TMEM41B: variants seen among roughly 807,000 people sequenced by gnomAD.
TMEM41B encodes the protein protein stasimon.
In TMEM41B, 18 loss-of-function variants were observed where a neutral mutation model predicts 31.9. The ratio of observed to expected loss-of-function variants is 0.56; its 90% CI spans 0.39 to 0.84. TMEM41B has a LOEUF of 0.84. TMEM41B is among the 40% of genes least tolerant of loss of function. The probability of loss-of-function intolerance (pLI) is 0.00; values close to 1 mark genes in which losing one functional copy is unlikely to be tolerated. For synonymous variants in TMEM41B, 144 were observed against 124.3 expected (o/e 1.16, Z -1.05); for missense variants, 322 against 348.0 (o/e 0.93, Z 0.59).
rs557415685 is a variant in TMEM41B, at chr11:9,284,310, C to G, written c.707-717G>C. On this transcript the variant is annotated intron_variant, in intron 6 of 6. Coordinates refer to ENST00000528080, the MANE Select transcript of TMEM41B (RefSeq NM_015012.4). Reference sequence around the variant, plus strand: ...ACAGGCGTGTACCACCACACCCAGGCAAAATTTTTGAATTTTTTGTCAAGA... The same window carrying G: ...ACAGGCGTGTACCACCACACCCAGGGAAAATTTTTGAATTTTTTGTCAAGA... Among the ~76,000 whole-genome samples, 3 of 151,926 alleles carry G rather than the reference C, an allele frequency of 2.0e-5. No homozygotes were observed. In the Middle Eastern group the frequency reaches 0.01, roughly 517 times the overall value.
chr11:9,309,489 G>T (rs1437374586), intron 1 of TMEM41B, among the ~76,000 whole-genome samples: 1 of 122,470 alleles, frequency 8.2e-6, no homozygotes, highest in Admixed American at 9.8e-5. Flanking sequence ...GCCAAGTCTA[G>T]TCTTAGATTT....
chr11:9,301,186 G>C (rs759369919), intron 1 of TMEM41B, among the ~76,000 whole-genome samples: 2 of 151,974 alleles, frequency 1.3e-5, no homozygotes, highest in African/African-American at 4.8e-5. Context: ...ACAAGGTCAG[G>C]AGATTGAGAC....
intron 1 of TMEM41B, among the ~76,000 whole-genome samples, chr11:9,306,018 A>C (rs1404455261): frequency 3.8e-5 from 5 of 130,094 alleles, no homozygotes; most frequent in African/African-American, 1.2e-4. Flanking sequence ...CTGCTCTATC[A>C]CCCAGGCTGG....
rs547400103 is a variant in TMEM41B at position 9,314,160 on chromosome 11, G to A, written c.121+161C>T. ...CTCGGCGTCCGGCCTTGTGCTGCGCGAGCGCCCAAGCCCAACTCCCCCACG... is the reference window on the plus strand; with the variant it reads ...CTCGGCGTCCGGCCTTGTGCTGCGCAAGCGCCCAAGCCCAACTCCCCCACG... On this transcript the variant is annotated intron_variant, in intron 1 of 6. Coordinates refer to ENST00000528080, the MANE Select transcript of TMEM41B (RefSeq NM_015012.4). Among the ~76,000 whole-genome samples, 7 of 152,274 alleles carry A rather than the reference G, an allele frequency of 4.6e-5. No homozygotes were observed. In the South Asian group the frequency reaches 1.2e-3, roughly 27 times the overall value.
intron 3 of TMEM41B, among the ~76,000 whole-genome samples, chr11:9,293,140 T>C (rs1590376498): frequency 6.6e-6 from 1 of 152,212 alleles, no homozygotes; most frequent in Non-Finnish European, 1.5e-5. Context: ...ACAGTCTCAC[T>C]GTCACCTAGG....
chr11:9,313,623 T>G (rs113793455), intron 1 of TMEM41B, among the ~76,000 whole-genome samples: 1,910 of 152,314 alleles, frequency 0.013, 43 homozygotes, highest in African/African-American at 0.039. Context: ...GATGATGTAG[T>G]GGGGAAATAA....
At chr11:9,291,701 T>C (rs1206341090) in intron 3 of TMEM41B, among the ~76,000 whole-genome samples, 29 of 148,076 alleles carry the variant, frequency 2.0e-4, no homozygotes, top group Admixed American at 1.9e-3. Flanking sequence ...GCCCGGCCAA[T>C]TCCTTTTTTT....
At position 9,288,499 on chromosome 11, in the gene TMEM41B, G is replaced by A; in HGVS notation, c.405C>T (p.Leu135=). ...GATAAAGAAACCCTGAGAGTATACT[G>A]AGAAATATAGAGCCTGGAATAGCAA... The part of the protein sequence containing the change: ...QTFAIPGSIF[L]SILSGFLYPF... Residue 135 remains leucine (L), a synonymous_variant, in exon 4 of 7, where the codon CTC becomes CTT. Transcript: ENST00000528080. The A allele has an allele frequency of 1.3e-6, 2 of 1,593,972 alleles. No individual in the cohort carries two copies.
chr11:9,285,511 T>C (rs1285941703), intron 6 of TMEM41B, among the ~76,000 whole-genome samples: 1 of 152,142 alleles, frequency 6.6e-6, no homozygotes, highest in African/African-American at 2.4e-5. Flanking sequence ...TATTTTTGAC[T>C]TCTAAACAAT....
At chr11:9,311,202 C>T (rs1198405725) in intron 1 of TMEM41B, 1 of 1,426,206 alleles carries the variant, frequency 7.0e-7, no homozygotes, top group Non-Finnish European at 9.4e-7. Flanking sequence ...CTACTTTCCC[C>T]CAATACAACA....
intron 1 of TMEM41B, among the ~76,000 whole-genome samples, chr11:9,300,185 T>C (rs1853213592): frequency 1.3e-5 from 2 of 152,140 alleles, no homozygotes; most frequent in Non-Finnish European, 2.9e-5. Context: ...AATAACTGGA[T>C]ATATTACTTT....
In TMEM41B at chr11:9,299,644, A is replaced by C. The variant is rs1853197507; in HGVS notation, c.179T>G (p.Ile60Ser). 2 of 1,613,786 alleles carry C rather than the reference A, an allele frequency of 1.2e-6. No individual in the cohort carries two copies. The highest frequency in any genetic ancestry group is 1.7e-6 in the Non-Finnish European group (2 of 1,179,948). Reference protein sequence around the residue: ...ARMSLLILVSIFLSAAFVMFL... With the variant: ...ARMSLLILVSSFLSAAFVMFL... ...CATAACAAAAGCTGCAGATAAGAAA[A>C]TGGACACCAATATAAGGAGTGACAT... Residue 60 changes from isoleucine (I) to serine (S), a missense_variant, in exon 2 of 7, where the codon ATT (isoleucine) becomes AGT (serine). Transcript: ENST00000528080.
At chr11:9,298,476 A>AC (rs374767830) in intron 2 of TMEM41B, among the ~76,000 whole-genome samples, 11,296 of 143,726 alleles carry the variant, frequency 0.079, 605 homozygotes, top group South Asian at 0.096. Context: ...AAAAAAAAAA[A>AC]ATTGTGGGCT....
chr11:9,286,288 T>C (rs941272946), intron 6 of TMEM41B, among the ~76,000 whole-genome samples, 167 bp downstream of exon 6: 1 of 152,156 alleles, frequency 6.6e-6, no homozygotes, highest in Admixed American at 6.6e-5. Flanking sequence ...ATCAACACAA[T>C]TCAACAAACA....
intron 1 of TMEM41B, among the ~76,000 whole-genome samples, chr11:9,306,134 AC>A (rs1437160205): frequency 1.3e-5 from 2 of 150,284 alleles, no homozygotes; most frequent in African/African-American, 4.9e-5. Context: ...ATGGGCCACC[AC>A]CCCCAGCTAA....
intron 2 of TMEM41B, among the ~76,000 whole-genome samples, chr11:9,298,821 G>A (rs1379689697): frequency 1.3e-5 from 2 of 151,394 alleles, no homozygotes; most frequent in Non-Finnish European, 2.9e-5. Context: ...GAGAAAACAT[G>A]ACCTTCCTGA....
In TMEM41B at chr11:9,314,592, G is replaced by A; in HGVS notation, c.-151C>T. On this transcript the variant is annotated 5_prime_UTR_variant, in exon 1 of 7. Coordinates refer to ENST00000528080, the MANE Select transcript of TMEM41B (RefSeq NM_015012.4). ...AGACGACCTCAGCCCAGCGAGTACT[G>A]CAACCTCCTGCAAACACCCGCAGCG... 2.8e-6 allele frequency: 3 copies of A among 1,066,194 alleles called. No homozygotes were observed. The highest frequency in any genetic ancestry group is 1.6e-5 in the African/African-American group (1 of 61,162). 66.0% of individuals were successfully genotyped at this position (1,066,194 alleles called of 1,614,324 possible).
chr11:9,297,922 G>A (rs1853138885), intron 2 of TMEM41B, among the ~76,000 whole-genome samples: 1 of 151,176 alleles, frequency 6.6e-6, no homozygotes, highest in African/African-American at 2.4e-5. Flanking sequence ...AGAACTAGCA[G>A]AGCATAGTGG....
intron 1 of TMEM41B, among the ~76,000 whole-genome samples, chr11:9,312,740 C>G (rs1853590539): frequency 6.6e-6 from 1 of 151,884 alleles, no homozygotes; most frequent in Non-Finnish European, 1.5e-5. Flanking sequence ...CCCATCTCTA[C>G]TAAAAATACA....
Sources: allele counts gnomAD v4.1 joint callset (sites outside exome capture counted in the v4.1 genomes callset), GRCh38; gene constraint gnomAD v4.1.1; transcripts MANE v1.5; gene names NCBI Gene and HGNC (gene_info 2026-07-23, HGNC 2026-07-21).